The following IL1RAPL2 variants were observed in gnomAD, a reference collection of about 807,000 sequenced individuals.
The protein encoded by IL1RAPL2 is interleukin 1 receptor accessory protein like 2.
In IL1RAPL2, 3 loss-of-function variants were observed where a neutral mutation model predicts 44.1. The ratio of observed to expected loss-of-function variants is 0.07; its 90% CI spans 0.03 to 0.18. IL1RAPL2 has a LOEUF of 0.18. Among genes scored for constraint, IL1RAPL2 ranks in the 10% least tolerant of loss-of-function variants. IL1RAPL2 has a pLI of 1.00. For synonymous variants in IL1RAPL2, 181 were observed against 178.8 expected (o/e 1.01, Z -0.10); for missense variants, 391 against 496.4 (o/e 0.79, Z 2.02).
chrX:105,330,143 T>A (rs1290743572), intron 5 of IL1RAPL2, among the ~76,000 whole-genome samples: 1 of 111,176 alleles, frequency 9.0e-6, no homozygotes, highest in Middle Eastern at 4.2e-3. Flanking sequence ...ACATGGACAT[T>A]AAAGTTTGAT....
chrX:105,484,927 T>A (rs1200043550), intron 6 of IL1RAPL2, among the ~76,000 whole-genome samples: 2 of 111,874 alleles, frequency 1.8e-5, no homozygotes, highest in East Asian at 5.6e-4. Context: ...ATTGTCTTTT[T>A]ACACACTCAA....
intron 2 of IL1RAPL2, among the ~76,000 whole-genome samples, chrX:104,901,454 G>A (rs1033198082): frequency 1.8e-5 from 2 of 109,005 alleles, no homozygotes; most frequent in Admixed American, 9.8e-5. Context: ...CTCGTGATCC[G>A]CCCGCCTCAG....
intron 2 of IL1RAPL2, among the ~76,000 whole-genome samples, chrX:105,103,401 ATCT>A (rs2032695793): frequency 8.9e-6 from 1 of 111,823 alleles, no homozygotes; most frequent in Non-Finnish European, 1.9e-5. Flanking sequence ...CCTGTTATTA[ATCT>A]TCTTGCATCA....
At chrX:105,426,999 A>G (rs1220496433) in intron 5 of IL1RAPL2, among the ~76,000 whole-genome samples, 1 of 112,697 alleles carries the variant, frequency 8.9e-6, no homozygotes, top group African/African-American at 3.2e-5. Context: ...CTTATGCTCA[A>G]AGTGGTTTGG....
At chrX:105,658,408 C>G (rs73529093) in intron 6 of IL1RAPL2, among the ~76,000 whole-genome samples, 2 of 112,247 alleles carry the variant, frequency 1.8e-5, no homozygotes, top group Non-Finnish European at 3.8e-5. Context: ...ATTGCAACAC[C>G]CACATCCTTT....
chrX:105,080,308 G>C (rs1193168096), intron 2 of IL1RAPL2, among the ~76,000 whole-genome samples: 6 of 111,950 alleles, frequency 5.4e-5, no homozygotes, highest in African/African-American at 2.0e-4. Context: ...CCAATGTCCT[G>C]AATGTTATTG....
intron 2 of IL1RAPL2, among the ~76,000 whole-genome samples, chrX:104,877,880 G>A (rs1336397223): frequency 9.0e-6 from 1 of 111,463 alleles, no homozygotes; most frequent in African/African-American, 3.3e-5. Context: ...CAGAAGATCT[G>A]GAAAAACTGA....
At chrX:105,754,777 T>C in intron 9 of IL1RAPL2, among the ~76,000 whole-genome samples, 1 of 112,367 alleles carries the variant, frequency 8.9e-6, no homozygotes, top group Middle Eastern at 4.6e-3. Context: ...CACATATTTG[T>C]GCAAACAAGG....
At chrX:105,739,155 A>G (rs1490167753) in intron 7 of IL1RAPL2, among the ~76,000 whole-genome samples, 2 of 110,677 alleles carry the variant, frequency 1.8e-5, no homozygotes. Flanking sequence ...TCTACCACAA[A>G]ACCTATACTC....
intron 6 of IL1RAPL2, among the ~76,000 whole-genome samples, chrX:105,613,358 A>G (rs890749434): frequency 8.9e-6 from 1 of 111,881 alleles, no homozygotes; most frequent in Non-Finnish European, 1.9e-5. Flanking sequence ...CTTCAGTGAG[A>G]CTCTGAGACT....
At chrX:105,078,966 C>G (rs766871269) in intron 2 of IL1RAPL2, among the ~76,000 whole-genome samples, 1 of 112,570 alleles carries the variant, frequency 8.9e-6, no homozygotes, top group South Asian at 3.7e-4. Flanking sequence ...AATTCCCTGA[C>G]CCCTTGTGCT....
At chrX:105,292,245 A>G (rs1002378779) in intron 5 of IL1RAPL2, among the ~76,000 whole-genome samples, 1 of 112,193 alleles carries the variant, frequency 8.9e-6, no homozygotes. Flanking sequence ...TCAAAGAGCA[A>G]TATGGGTCAG....
intron 5 of IL1RAPL2, among the ~76,000 whole-genome samples, chrX:105,299,645 A>C (rs2034681022): frequency 8.9e-6 from 1 of 111,795 alleles, no homozygotes. Context: ...CTATAGGAAC[A>C]ATGGGGATAC....
chrX:105,627,772 G>T (rs2037463314), intron 6 of IL1RAPL2, among the ~76,000 whole-genome samples: 1 of 111,528 alleles, frequency 9.0e-6, no homozygotes, highest in Admixed American at 9.6e-5. Flanking sequence ...TTTGTGACTT[G>T]GGTGTGAATA....
At chrX:104,909,327 G>A (rs1328152526) in intron 2 of IL1RAPL2, among the ~76,000 whole-genome samples, 2 of 111,891 alleles carry the variant, frequency 1.8e-5, no homozygotes, top group Non-Finnish European at 3.8e-5. Flanking sequence ...ATCGTCTGAA[G>A]CCTTCTTCTC....
At chrX:104,932,565 T>C (rs1924934395) in intron 2 of IL1RAPL2, among the ~76,000 whole-genome samples, 1 of 111,724 alleles carries the variant, frequency 9.0e-6, no homozygotes, top group Non-Finnish European at 1.9e-5. Flanking sequence ...GGAAATAGTC[T>C]GATTCATTCA....
chrX:105,156,507 C>T (rs2033269801), intron 2 of IL1RAPL2, among the ~76,000 whole-genome samples: 1 of 112,421 alleles, frequency 8.9e-6, no homozygotes. Flanking sequence ...AGCTCTGCTA[C>T]ATAGCTAATG....
intron 2 of IL1RAPL2, among the ~76,000 whole-genome samples, chrX:104,858,691 T>A (rs536743367): frequency 1.8e-5 from 2 of 112,027 alleles, no homozygotes; most frequent in African/African-American, 6.5e-5. Context: ...GTATGAAACA[T>A]GTCTCTGGTC....
intron 2 of IL1RAPL2, among the ~76,000 whole-genome samples, chrX:105,176,046 A>G (rs1035034545): frequency 9.0e-5 from 10 of 111,227 alleles, no homozygotes; most frequent in Non-Finnish European, 1.3e-4. Flanking sequence ...TACTCAGTTA[A>G]CAAAAAGTAA....
Sources: allele counts gnomAD v4.1 joint callset (sites outside exome capture counted in the v4.1 genomes callset), GRCh38; gene constraint gnomAD v4.1.1; transcripts MANE v1.5; gene names NCBI Gene and HGNC (gene_info 2026-07-23, HGNC 2026-07-21).